APBA2: variants seen among roughly 807,000 people sequenced by gnomAD.
APBA2 encodes amyloid-beta A4 precursor protein-binding family A member 2.
A neutral mutation model predicts 75.0 loss-of-function variants in APBA2; 30 were observed. The observed-to-expected ratio is 0.40, with a 90% confidence interval of 0.30 to 0.54. The LOEUF (loss-of-function observed/expected upper bound fraction) is 0.54, where lower values mean the gene tolerates loss of function less well. Ranked by LOEUF, APBA2 falls within the 20% of genes least tolerant of loss-of-function variation. APBA2 has a pLI of 0.49. For missense variants in APBA2, 801 were observed against 1,016.1 expected, an observed-to-expected ratio of 0.79 and a Z score of 2.88; for synonymous variants, 444 against 409.6, an observed-to-expected ratio of 1.08 and a Z score of -1.01.
chr15:28,897,499 C>G (rs1205346696), intron 1 of APBA2, among the ~76,000 whole-genome samples: 1 of 151,364 alleles, frequency 6.6e-6, no homozygotes, highest in African/African-American at 2.4e-5. Context: ...GCGCCTATAA[C>G]CCCAGCTACT....
At chr15:28,968,873 G>A (rs1443557633) in intron 2 of APBA2, among the ~76,000 whole-genome samples, 1 of 152,100 alleles carries the variant, frequency 6.6e-6, no homozygotes, top group Non-Finnish European at 1.5e-5. Context: ...ACATAAACAC[G>A]GCTGTCTCTT....
intron 11 of APBA2, 111 bp from the exon 12 acceptor site, chr15:29,106,496 A>G (rs2044412321): frequency 2.4e-6 from 3 of 1,244,636 alleles, no homozygotes; most frequent in South Asian, 1.3e-5. Context: ...CTTGGATCCC[A>G]GGGCAGGGCG....
At chr15:28,900,531 A>C (rs2152629339) in intron 1 of APBA2, among the ~76,000 whole-genome samples, 2 of 151,164 alleles carry the variant, frequency 1.3e-5, no homozygotes, top group African/African-American at 4.9e-5. Context: ...GTCCCGACAG[A>C]CTCTCCCCAT....
intron 2 of APBA2, among the ~76,000 whole-genome samples, chr15:28,935,667 C>G (rs544978791): frequency 6.6e-6 from 1 of 152,326 alleles, no homozygotes; most frequent in South Asian, 2.1e-4. Context: ...CCCTCAGCCT[C>G]TCTCCAGACA....
intron 3 of APBA2, among the ~76,000 whole-genome samples, chr15:29,021,102 A>G (rs570449093): frequency 8.5e-5 from 13 of 152,318 alleles, no homozygotes; most frequent in Admixed American, 3.9e-4. Flanking sequence ...CATAAAGACC[A>G]AAAAGGAAAG....
intron 2 of APBA2, among the ~76,000 whole-genome samples, chr15:28,976,284 G>A (rs1489298596): frequency 6.6e-6 from 1 of 152,234 alleles, no homozygotes; most frequent in Non-Finnish European, 1.5e-5. Flanking sequence ...TGTAATGACA[G>A]TTGGCTTTCA....
rs1225272837 is a variant in APBA2 at position 29,053,879 on chromosome 15, A to C, written c.-6A>C. ...CCGGGTGATGATGGCTGTGTGAACG[A>C]CTGCCATGGCCCACCGGAAGCTTGA... On this transcript the variant is annotated 5_prime_UTR_variant, in exon 4 of 15. Transcript: ENST00000683413. 2 of 1,609,210 alleles carry C rather than the reference A, an allele frequency of 1.2e-6. No individual in the cohort carries two copies. The highest frequency in any genetic ancestry group is 1.7e-6 in the Non-Finnish European group (2 of 1,176,358).
At chr15:29,085,664 T>C (rs1416535862) in intron 6 of APBA2, among the ~76,000 whole-genome samples, 1 of 152,196 alleles carries the variant, frequency 6.6e-6, no homozygotes, top group East Asian at 1.9e-4. Flanking sequence ...AAGTTTTCTA[T>C]GGCCAATAAG....
intron 3 of APBA2, among the ~76,000 whole-genome samples, chr15:29,031,465 C>T (rs576725621): frequency 2.0e-5 from 3 of 151,996 alleles, no homozygotes; most frequent in Non-Finnish European, 2.9e-5. Flanking sequence ...TCTCTGTGTA[C>T]CCCAATTTAT....
chr15:29,039,411 CTG>C (rs1484479531), intron 3 of APBA2, among the ~76,000 whole-genome samples: 1 of 152,102 alleles, frequency 6.6e-6, no homozygotes, highest in Non-Finnish European at 1.5e-5. Context: ...CCATCAGAAA[CTG>C]TGAATCCTAA....
rs139293493 is a variant in APBA2 at position 28,891,793 on chromosome 15, G to T, written c.-205+5515G>T. On this transcript the variant is annotated intron_variant, in intron 1 of 14. Coordinates refer to ENST00000683413, the MANE Select transcript of APBA2 (RefSeq NM_001353788.2). ...TGGCATTTTCAGTTGAGATATATGTGTACAGTCATGCGTCACATGACAGTG... is the reference window on the plus strand; with the variant it reads ...TGGCATTTTCAGTTGAGATATATGTTTACAGTCATGCGTCACATGACAGTG... Among the ~76,000 whole-genome samples the T allele has an allele frequency of 1.4e-4, 21 of 152,248 alleles. No homozygotes were observed. The East Asian group carries it at 3.9e-3, about 28-fold the overall frequency.
intron 2 of APBA2, among the ~76,000 whole-genome samples, chr15:28,985,338 A>G (rs2037863572): frequency 6.6e-6 from 1 of 152,118 alleles, no homozygotes; most frequent in Admixed American, 6.5e-5. Context: ...CTTTTTGTCT[A>G]CCAGCCAGAG....
chr15:29,008,375 T>G (rs1010255790), intron 3 of APBA2, among the ~76,000 whole-genome samples: 1 of 152,196 alleles, frequency 6.6e-6, no homozygotes, highest in Non-Finnish European at 1.5e-5. Flanking sequence ...TAAAAAGGCT[T>G]CCAATGGTAA....
Position 29,054,120 on chromosome 15 carries a change from A to G in APBA2, c.236A>G (p.Asn79Ser). 6.2e-7 allele frequency: 1 copy of G among 1,614,136 alleles called. No individual in the cohort carries two copies. The highest frequency in any genetic ancestry group is 1.3e-5 in the African/African-American group (1 of 75,050). ...DGDSSSDYVN[N>S]TSEEEDYDEG... ...GACTCCAGCTCTGACTACGTGAACA[A>G]CACCTCTGAGGAGGAGGACTATGAC... is the stretch of plus-strand genomic sequence containing the variant. The change falls in exon 4 of 15, where the codon AAC (asparagine) becomes AGC (serine). Residue 79 changes from asparagine (N) to serine (S), a missense_variant. This residue lies in a region of APBA2 where 434 missense variants were observed against 471.6 expected (regional missense o/e 0.92). Transcript: ENST00000683413. This position sits in a 1 kb window ranked among gnomAD's most constrained non-coding sequence, Gnocchi z 6.1.
chr15:28,915,594 C>A (rs1329152887), intron 1 of APBA2, among the ~76,000 whole-genome samples: 7 of 150,982 alleles, frequency 4.6e-5, no homozygotes, highest in Non-Finnish European at 1.0e-4. Context: ...ATACCACACA[C>A]CGCATTCCAC....
At chr15:28,898,019 G>A (rs891738680) in intron 1 of APBA2, among the ~76,000 whole-genome samples, 1 of 152,174 alleles carries the variant, frequency 6.6e-6, no homozygotes, top group African/African-American at 2.4e-5. Flanking sequence ...TGTGACCAAG[G>A]AGGCGGAAAT....
intron 1 of APBA2, among the ~76,000 whole-genome samples, chr15:28,903,688 T>A (rs1004081999): frequency 3.3e-5 from 5 of 152,162 alleles, no homozygotes; most frequent in African/African-American, 1.2e-4. Flanking sequence ...ACTGCCTCCC[T>A]ACAGTCCAGC....
chr15:29,087,841 C>G (rs1340744922), intron 6 of APBA2, among the ~76,000 whole-genome samples: 1 of 152,158 alleles, frequency 6.6e-6, no homozygotes, highest in African/African-American at 2.4e-5. Context: ...AGCTGCAGCC[C>G]CTCCTCCCAG....
intron 6 of APBA2, among the ~76,000 whole-genome samples, chr15:29,080,321 G>T (rs913767452): frequency 1.3e-5 from 2 of 152,172 alleles, no homozygotes; most frequent in Non-Finnish European, 2.9e-5. Flanking sequence ...ACACTGCACT[G>T]CCTGGCGACC....
Sources: allele counts gnomAD v4.1 joint callset (sites outside exome capture counted in the v4.1 genomes callset), GRCh38; gene constraint gnomAD v4.1.1; regional missense constraint gnomAD v4.1.1; non-coding constraint Gnocchi (gnomAD v3.1); transcripts MANE v1.5; gene names NCBI Gene and HGNC (gene_info 2026-07-23, HGNC 2026-07-21).